The following PSD3 variants were observed in gnomAD, a reference collection of about 807,000 sequenced individuals.
PSD3 encodes the protein pleckstrin and Sec7 domain containing 3.
Under a neutral mutation model 105.5 loss-of-function variants are expected in PSD3, and 49 were observed. The ratio of observed to expected loss-of-function variants is 0.46; its 90% CI spans 0.37 to 0.59. PSD3 has a LOEUF of 0.59. PSD3 is among the 20% of genes least tolerant of loss of function. PSD3 has a pLI of 0.00. For synonymous variants in PSD3, 557 were observed against 457.8 expected, an observed-to-expected ratio of 1.22 and a Z score of -2.77; for missense variants, 1,561 against 1,263.8, an observed-to-expected ratio of 1.24 and a Z score of -3.57.
chr8:18,949,469 C>A (rs7015751), intron 1 of PSD3, among the ~76,000 whole-genome samples: 1 of 150,376 alleles, frequency 6.6e-6, no homozygotes, highest in Non-Finnish European at 1.5e-5. Context: ...AAATAACACA[C>A]GAAATATTTA....
chr8:18,774,536 C>T lies in PSD3; in HGVS notation c.2083-8998G>A, dbSNP rs559168638. Reference sequence around the variant, plus strand: ...TTTTTTCCTCCAGTTTGAATTTTGACTCAGCAATGTTCATGCCTAGACCTC... The same window carrying T: ...TTTTTTCCTCCAGTTTGAATTTTGATTCAGCAATGTTCATGCCTAGACCTC... On this transcript the variant is annotated intron_variant, in intron 8 of 15. Transcript: ENST00000327040. 7 of 247,854 alleles carry T rather than the reference C, an allele frequency of 2.8e-5. No homozygotes were observed. The East Asian group carries it at 7.4e-4, about 26-fold the overall frequency. 15.4% of individuals were successfully genotyped at this position (247,854 alleles called of 1,614,324 possible). A position where few individuals can be genotyped will look rare whatever the true frequency, so the allele number is the denominator to read the frequency against.
At chr8:18,562,752 G>A (rs1801472428) in intron 14 of PSD3, among the ~76,000 whole-genome samples, 1 of 152,106 alleles carries the variant, frequency 6.6e-6, no homozygotes, top group Non-Finnish European at 1.5e-5. Context: ...AGCCGGGTGT[G>A]GTGGCATGCG....
At chr8:18,842,772 A>C (rs7830045) in intron 4 of PSD3, among the ~76,000 whole-genome samples, 65,093 of 151,742 alleles carry the variant, frequency 0.43, 14,493 homozygotes, top group Middle Eastern at 0.51. Context: ...TATACAGACT[A>C]TTAATATTCA....
rs556694852 is a variant in PSD3 at position 18,620,435 on chromosome 8, C to T, written c.2410+12178G>A. ...ATTTTATGGAGTTTGGAGGGCCAGG[C>T]ATGGTGGCTTACACCTGTAATCCCA... On this transcript the variant is annotated intron_variant, in intron 11 of 15. Coordinates refer to ENST00000327040, the MANE Select transcript of PSD3 (RefSeq NM_015310.4). 2.0e-5 allele frequency among the ~76,000 whole-genome samples: 3 copies of T among 151,122 alleles called. No homozygotes were observed. In the South Asian group the frequency reaches 6.2e-4, roughly 31 times the overall value.
chr8:18,708,974 T>A (rs1259518782), intron 9 of PSD3, among the ~76,000 whole-genome samples: 1 of 152,174 alleles, frequency 6.6e-6, no homozygotes, highest in African/African-American at 2.4e-5. Context: ...CTATGCAACC[T>A]GCGGATCAGG....
At chr8:18,907,987 G>A (rs760059661) in intron 2 of PSD3, among the ~76,000 whole-genome samples, 10 of 152,186 alleles carry the variant, frequency 6.6e-5, no homozygotes, top group Non-Finnish European at 1.2e-4. Flanking sequence ...AGTATGCAAC[G>A]TGAAATGGTT....
chr8:18,550,129 A>G (rs374795348), intron 15 of PSD3, among the ~76,000 whole-genome samples: 9 of 152,352 alleles, frequency 5.9e-5, no homozygotes, highest in African/African-American at 2.2e-4. Flanking sequence ...GCATTTCAGT[A>G]AATGATTGAT....
At chr8:18,623,097 C>T (rs1418318843) in intron 11 of PSD3, among the ~76,000 whole-genome samples, 1 of 152,044 alleles carries the variant, frequency 6.6e-6, no homozygotes, top group Non-Finnish European at 1.5e-5. Context: ...ATGGTCCAGG[C>T]TGGTCTTGAA....
At chr8:18,764,914 C>A (rs73593590) in intron 9 of PSD3, among the ~76,000 whole-genome samples, 13 of 152,252 alleles carry the variant, frequency 8.5e-5, no homozygotes, top group African/African-American at 3.1e-4. Context: ...ATTTTGTTGT[C>A]TCCTTGAAAA....
chr8:18,534,603 C>T lies in PSD3; in HGVS notation c.*1140G>A, dbSNP rs1431858243. The T allele has an allele frequency of 6.6e-6, 1 of 152,156 alleles. No individual in the cohort carries two copies. Among genetic ancestry groups the T allele is most frequent in the Non-Finnish European group, 1.5e-5 (1 of 68,028 alleles). 9.4% of individuals were successfully genotyped at this position (152,156 alleles called of 1,614,324 possible). A position where few individuals can be genotyped will look rare whatever the true frequency, so the allele number is the denominator to read the frequency against. ...CTTTGCACCTGCAACCAGAAGATTCCTCAGTTTTCCAACCATAATTCATTC... is the reference window on the plus strand; with the variant it reads ...CTTTGCACCTGCAACCAGAAGATTCTTCAGTTTTCCAACCATAATTCATTC... On this transcript the variant is annotated 3_prime_UTR_variant, in exon 16 of 16. Coordinates refer to ENST00000327040, the MANE Select transcript of PSD3 (RefSeq NM_015310.4).
chr8:18,778,942 T>C (rs952339715), intron 8 of PSD3, among the ~76,000 whole-genome samples: 3 of 152,126 alleles, frequency 2.0e-5, no homozygotes, highest in Non-Finnish European at 4.4e-5. Context: ...TATCTGGTTC[T>C]GGCATCAAGG....
At chr8:18,931,632 G>C (rs896946563) in intron 2 of PSD3, among the ~76,000 whole-genome samples, 6 of 152,134 alleles carry the variant, frequency 3.9e-5, no homozygotes, top group Non-Finnish European at 5.9e-5. Flanking sequence ...TTCCCCACTA[G>C]TGCCACCCGA....
intron 4 of PSD3, among the ~76,000 whole-genome samples, chr8:18,832,573 G>C (rs914704129): frequency 6.6e-6 from 1 of 152,112 alleles, no homozygotes; most frequent in Non-Finnish European, 1.5e-5. Flanking sequence ...TGTTAACTTA[G>C]GAAACACTGA....
chr8:18,812,223 T>C (rs1466391554), intron 4 of PSD3, among the ~76,000 whole-genome samples: 3 of 152,156 alleles, frequency 2.0e-5, no homozygotes, highest in African/African-American at 7.2e-5. Flanking sequence ...TGACAGATGA[T>C]GAGGAGAGCT....
intron 2 of PSD3, among the ~76,000 whole-genome samples, chr8:18,920,476 T>A (rs1387092740): frequency 6.6e-6 from 1 of 152,214 alleles, no homozygotes; most frequent in African/African-American, 2.4e-5. Context: ...TGCGGGAGCA[T>A]GAGCGCTGCT....
chr8:18,572,994 T>A (rs970539694), intron 13 of PSD3, among the ~76,000 whole-genome samples: 3 of 152,206 alleles, frequency 2.0e-5, no homozygotes, highest in African/African-American at 7.2e-5. Flanking sequence ...TTATAAAATT[T>A]ACTCATCTCT....
intron 4 of PSD3, among the ~76,000 whole-genome samples, chr8:18,853,417 A>G (rs1815749805): frequency 6.6e-6 from 1 of 152,098 alleles, no homozygotes; most frequent in African/African-American, 2.4e-5. Flanking sequence ...CATAATATCA[A>G]CGGACTAGGC....
intron 1 of PSD3, among the ~76,000 whole-genome samples, chr8:18,982,035 T>A (rs1825275023): frequency 6.6e-5 from 10 of 152,210 alleles, no homozygotes; most frequent in Admixed American, 6.5e-4. Context: ...GTAGAGCTTC[T>A]TTCAAATCTG....
At chr8:18,824,982 G>A (rs930315678) in intron 4 of PSD3, among the ~76,000 whole-genome samples, 2 of 151,966 alleles carry the variant, frequency 1.3e-5, no homozygotes, top group African/African-American at 4.8e-5. Context: ...AAAAATCAAA[G>A]CTATAAAAAA....
Sources: gnomAD v4.1 joint callset for allele counts (sites outside exome capture counted in the v4.1 genomes callset) on GRCh38, gnomAD v4.1.1 for gene constraint, MANE v1.5 for transcripts, NCBI Gene and HGNC (gene_info 2026-07-23, HGNC 2026-07-21) for gene names.